The following ADGRA3 variants were observed in gnomAD, a reference collection of about 807,000 sequenced individuals.
ADGRA3 encodes the protein G-protein coupled receptor 125.
ADGRA3 carries 56 observed loss-of-function variants against 119.8 expected under a neutral mutation model. The ratio of observed to expected loss-of-function variants is 0.47; its 90% CI spans 0.38 to 0.58. The LOEUF is 0.58. Ranked by LOEUF, ADGRA3 falls within the 20% of genes least tolerant of loss-of-function variation. The probability of loss-of-function intolerance (pLI) is 0.00; values close to 1 mark genes in which losing one functional copy is unlikely to be tolerated. For missense variants in ADGRA3, 1,516 were observed against 1,649.0 expected (o/e 0.92, Z 1.40); for synonymous variants, 607 against 623.8 (o/e 0.97, Z 0.40).
At chr4:22,461,885 T>C (rs1046871388) in intron 2 of ADGRA3, 77 bp from the exon 3 acceptor site, 12 of 884,442 alleles carry the variant, frequency 1.4e-5, no homozygotes, top group Admixed American at 2.4e-5. Context: ...TTACCTGCTA[T>C]ACAAAAAAAA....
chr4:22,498,700 G>A (rs1442686830), intron 1 of ADGRA3, among the ~76,000 whole-genome samples: 1 of 152,114 alleles, frequency 6.6e-6, no homozygotes, highest in Non-Finnish European at 1.5e-5. Flanking sequence ...CGGATCACAA[G>A]GTCAGGAGTT....
chr4:22,431,464 G>A (rs1377776197), intron 10 of ADGRA3, among the ~76,000 whole-genome samples: 1 of 152,184 alleles, frequency 6.6e-6, no homozygotes, highest in Non-Finnish European at 1.5e-5. Flanking sequence ...TGTGAGACAT[G>A]GAGTCAAAGG....
intron 1 of ADGRA3, among the ~76,000 whole-genome samples, chr4:22,486,366 C>T (rs1577377360): frequency 6.6e-6 from 1 of 152,154 alleles, no homozygotes; most frequent in African/African-American, 2.4e-5. Flanking sequence ...GATTCATGGA[C>T]GGCTTGGTTT....
intron 16 of ADGRA3, among the ~76,000 whole-genome samples, chr4:22,397,671 T>C (rs562557537): frequency 2.0e-5 from 3 of 152,060 alleles, no homozygotes; most frequent in African/African-American, 4.8e-5. Context: ...TGAGGGTGGG[T>C]CTTTCCTGAG....
At chr4:22,490,646 A>G (rs1718590633) in intron 1 of ADGRA3, among the ~76,000 whole-genome samples, 1 of 152,226 alleles carries the variant, frequency 6.6e-6, no homozygotes, top group Non-Finnish European at 1.5e-5. Context: ...ACTGAATCCT[A>G]GGGAATACAG....
At chr4:22,471,117 A>G (rs902156168) in intron 2 of ADGRA3, among the ~76,000 whole-genome samples, 2 of 152,196 alleles carry the variant, frequency 1.3e-5, no homozygotes, top group African/African-American at 4.8e-5. Context: ...CTGCTCCTCC[A>G]GAGGAGCAGG....
chr4:22,424,980 C>T (rs1409061577), intron 10 of ADGRA3, among the ~76,000 whole-genome samples: 1 of 151,434 alleles, frequency 6.6e-6, no homozygotes, highest in Non-Finnish European at 1.5e-5. Flanking sequence ...GAGGCTGAGG[C>T]AGGAGAATCA....
intron 1 of ADGRA3, among the ~76,000 whole-genome samples, chr4:22,486,404 G>A (rs1300724808): frequency 1.3e-5 from 2 of 152,046 alleles, no homozygotes; most frequent in African/African-American, 2.4e-5. Context: ...CGTCGTCCAG[G>A]GAAAGCTACA....
intron 1 of ADGRA3, among the ~76,000 whole-genome samples, chr4:22,498,634 G>A (rs557555452): frequency 7.2e-5 from 11 of 151,836 alleles, no homozygotes; most frequent in African/African-American, 2.7e-4. Context: ...AAAAAAGGAG[G>A]GCCAGGCGCG....
At chr4:22,426,744 C>T (rs552767093) in intron 10 of ADGRA3, among the ~76,000 whole-genome samples, 1 of 152,280 alleles carries the variant, frequency 6.6e-6, no homozygotes, top group Admixed American at 6.5e-5. Flanking sequence ...GGGGTACTTC[C>T]CCCCAAACCG....
intron 15 of ADGRA3, among the ~76,000 whole-genome samples, chr4:22,402,374 C>T (rs1714701811): frequency 1.3e-5 from 2 of 152,100 alleles, no homozygotes; most frequent in African/African-American, 4.8e-5. Context: ...TTCCGCCTCA[C>T]TTTACCTCCT....
chr4:22,477,001 C>A (rs1577371894), intron 1 of ADGRA3, among the ~76,000 whole-genome samples: 1 of 152,000 alleles, frequency 6.6e-6, no homozygotes. Context: ...CCTGCAATAT[C>A]TTTCGAAATC....
intron 14 of ADGRA3, among the ~76,000 whole-genome samples, chr4:22,404,269 A>G (rs1714797519): frequency 2.6e-5 from 4 of 152,208 alleles, no homozygotes; most frequent in South Asian, 4.1e-4. Flanking sequence ...AAGGAAGAGA[A>G]TAAGTGACAA....
chr4:22,387,674 T>C lies in ADGRA3; in HGVS notation c.*31A>G. ...CAAGGAATGTGAGTATCACAGTTTA[T>C]ATGAATTTCTGCCTAGGAAGCCCAG... On this transcript the variant is annotated 3_prime_UTR_variant, in exon 19 of 19. Transcript: ENST00000334304. 1.3e-6 allele frequency: 2 copies of C among 1,564,632 alleles called. No homozygotes were observed. Among genetic ancestry groups the C allele is most frequent in the Non-Finnish European group, 8.7e-7 (1 of 1,154,572 alleles).
intron 14 of ADGRA3, among the ~76,000 whole-genome samples, chr4:22,412,396 C>T (rs1299733558): frequency 6.6e-6 from 1 of 151,962 alleles, no homozygotes; most frequent in Non-Finnish European, 1.5e-5. Flanking sequence ...GTTATTTTAC[C>T]CCCCAAAAAT....
At chr4:22,419,425 G>A (rs373975144) in intron 12 of ADGRA3, among the ~76,000 whole-genome samples, 4 of 151,864 alleles carry the variant, frequency 2.6e-5, no homozygotes, top group African/African-American at 9.7e-5. Flanking sequence ...CAGTTTAATC[G>A]TGTCCACCTA....
Position 22,390,334 on chromosome 4 carries a change from ATAT to A in ADGRA3, c.2628-1154_2628-1152del, listed in dbSNP as rs1560292120. ...TTCTCTACTGCTTATATATATATATATATAAAATACATATTATATATATATAAT... is the reference window on the plus strand; with the variant it reads ...TTCTCTACTGCTTATATATATATATAAAAATACATATTATATATATATAAT... On this transcript the variant is annotated intron_variant, in intron 17 of 18. Coordinates refer to ENST00000334304, the MANE Select transcript of ADGRA3 (RefSeq NM_145290.4). Among the ~76,000 whole-genome samples, 32 of 123,722 alleles carry A rather than the reference ATAT, an allele frequency of 2.6e-4. 1 individual carries two copies. The highest frequency in any genetic ancestry group is 9.3e-4 in the African/African-American group (29 of 31,230). 81.2% of individuals were successfully genotyped at this position (123,722 alleles called of 152,430 possible). A position where few individuals can be genotyped will look rare whatever the true frequency, so the allele number is the denominator to read the frequency against.
At chr4:22,444,205 C>G (rs1381758706) in intron 6 of ADGRA3, among the ~76,000 whole-genome samples, 1 of 152,126 alleles carries the variant, frequency 6.6e-6, no homozygotes, top group African/African-American at 2.4e-5. Context: ...TGCTTATACA[C>G]AGAGTCTGAA....
intron 14 of ADGRA3, among the ~76,000 whole-genome samples, chr4:22,409,435 GATT>G (rs1715096234): frequency 6.6e-6 from 1 of 152,156 alleles, no homozygotes; most frequent in East Asian, 1.9e-4. Flanking sequence ...TTAGCAGAGG[GATT>G]ATTAACACAG....
Sources: gnomAD v4.1 joint callset for allele counts (sites outside exome capture counted in the v4.1 genomes callset) on GRCh38, gnomAD v4.1.1 for gene constraint, MANE v1.5 for transcripts, NCBI Gene and HGNC (gene_info 2026-07-23, HGNC 2026-07-21) for gene names.